SV2B: variants seen among roughly 807,000 people sequenced by gnomAD.
The protein encoded by SV2B is synaptic vesicle glycoprotein 2B.
Under a neutral mutation model 73.9 loss-of-function variants are expected in SV2B, and 41 were observed. That is an observed-to-expected ratio of 0.56 (90% CI 0.43 to 0.72). The LOEUF is 0.72. SV2B is among the 30% of genes least tolerant of loss of function. SV2B has a pLI of 0.00. For synonymous variants in SV2B, 314 were observed against 314.2 expected (o/e 1.00, Z 0.01); for missense variants, 764 against 857.8 (o/e 0.89, Z 1.37).
intron 1 of SV2B, among the ~76,000 whole-genome samples, chr15:91,107,766 T>C (rs548983625): frequency 1.3e-5 from 2 of 152,174 alleles, no homozygotes; most frequent in African/African-American, 4.8e-5. Flanking sequence ...TGCACCACCA[T>C]GCCCGGCTAA....
chr15:91,204,257 T>C (rs2045560094), intron 1 of SV2B, among the ~76,000 whole-genome samples: 2 of 152,172 alleles, frequency 1.3e-5, no homozygotes, highest in South Asian at 4.1e-4. Flanking sequence ...CTTGGGGTCT[T>C]AATTTACAGT....
Position 91,258,572 on chromosome 15 carries a change from C to T in SV2B, c.918+18C>T. 1 of 1,612,980 alleles carries T rather than the reference C, an allele frequency of 6.2e-7. No individual in the cohort carries two copies. The highest frequency in any genetic ancestry group is 8.5e-7 in the Non-Finnish European group (1 of 1,179,538). Reference sequence around the variant, plus strand: ...TGCTAGAGGTGAGTCAGTGCTTTTCCACCAGGGGGAGAGTGACAAAACAGC... The same window carrying T: ...TGCTAGAGGTGAGTCAGTGCTTTTCTACCAGGGGGAGAGTGACAAAACAGC... On this transcript the variant is annotated intron_variant, in intron 5 of 12. Coordinates refer to ENST00000394232, the MANE Select transcript of SV2B (RefSeq NM_001323032.3). The surrounding 1 kb of genome is among the most constrained non-coding windows in gnomAD (Gnocchi z 4.7).
chr15:91,270,815 G>GA (rs1567417531), intron 9 of SV2B, among the ~76,000 whole-genome samples: 5 of 112,256 alleles, frequency 4.5e-5, no homozygotes, highest in Non-Finnish European at 7.5e-5. Flanking sequence ...TGGATGATGG[G>GA]GGGATGGTGA....
At position 91,220,652 on chromosome 15, in the gene SV2B, G is replaced by C. The variant is rs2046182475; in HGVS notation, c.-391-5221G>C. Among the ~76,000 whole-genome samples, 1 of 152,190 alleles carries C rather than the reference G, an allele frequency of 6.6e-6. No homozygotes were observed. The highest frequency in any genetic ancestry group is 1.5e-5 in the Non-Finnish European group (1 of 68,036). On this transcript the variant is annotated intron_variant, in intron 1 of 12. Transcript: ENST00000394232. The surrounding 1 kb of genome is among the most constrained non-coding windows in gnomAD (Gnocchi z 4.1). ...TAGAATGTAAAAGTTAAAGGAGGATGCTTAAGAGGTTAGCAGCATGGGAGG... is the reference window on the plus strand; with the variant it reads ...TAGAATGTAAAAGTTAAAGGAGGATCCTTAAGAGGTTAGCAGCATGGGAGG...
intron 2 of SV2B, among the ~76,000 whole-genome samples, chr15:91,230,750 T>C (rs1247125592): frequency 6.6e-6 from 1 of 152,224 alleles, no homozygotes; most frequent in Non-Finnish European, 1.5e-5. Flanking sequence ...CTCTGGTTTA[T>C]AGCAATACAA....
At chr15:91,287,115 A>T (rs1490232588) in intron 11 of SV2B, among the ~76,000 whole-genome samples, 2 of 152,162 alleles carry the variant, frequency 1.3e-5, no homozygotes, top group African/African-American at 4.8e-5. Flanking sequence ...AGCTTTTGGA[A>T]AAAGGTTACC....
intron 1 of SV2B, among the ~76,000 whole-genome samples, chr15:91,202,445 T>C (rs2045492938): frequency 6.6e-6 from 1 of 152,260 alleles, no homozygotes; most frequent in African/African-American, 2.4e-5. Flanking sequence ...CATTGTGTCT[T>C]CTTATTTTCA....
intron 6 of SV2B, among the ~76,000 whole-genome samples, chr15:91,260,830 T>A (rs949319601): frequency 3.9e-5 from 6 of 152,204 alleles, no homozygotes; most frequent in African/African-American, 2.4e-5. Flanking sequence ...ATGAGGAATT[T>A]GCAAAAGCAG....
rs116918186 is a variant in SV2B at position 91,143,617 on chromosome 15, C to T, written c.-392+43254C>T. ...CTCGATCGCCGAAAGTGTCAAATCC[C>T]AGAAAACGCAGCATTCTTACGTGTG... On this transcript the variant is annotated intron_variant, in intron 1 of 12. Transcript: ENST00000394232. Among the ~76,000 whole-genome samples the T allele has an allele frequency of 5.7e-3, 865 of 151,442 alleles. 4 individuals are homozygous for T. Among genetic ancestry groups the T allele is most frequent in the Non-Finnish European group, 1.0e-2 (674 of 67,426 alleles).
chr15:91,287,955 G>C (rs1374623038), intron 11 of SV2B, among the ~76,000 whole-genome samples: 3 of 152,188 alleles, frequency 2.0e-5, no homozygotes, highest in African/African-American at 7.2e-5. Flanking sequence ...CTGGGGTCTT[G>C]GAGGGATGCA....
chr15:91,171,965 A>G (rs574583509), intron 1 of SV2B, among the ~76,000 whole-genome samples: 6 of 152,210 alleles, frequency 3.9e-5, no homozygotes, highest in Non-Finnish European at 8.8e-5. Flanking sequence ...TCTGTTGGAT[A>G]AAAACCTTTA....
chr15:91,149,123 C>T (rs939481905), intron 1 of SV2B, among the ~76,000 whole-genome samples: 3 of 152,224 alleles, frequency 2.0e-5, no homozygotes, highest in African/African-American at 7.2e-5. Flanking sequence ...TAGACTGGTC[C>T]TATCTCACTT....
At chr15:91,221,693 GCACACACA>G (rs3082137) in intron 1 of SV2B, among the ~76,000 whole-genome samples, 3 of 140,066 alleles carry the variant, frequency 2.1e-5, no homozygotes, top group African/African-American at 5.6e-5. Context: ...AAGCATGTGC[GCACACACA>G]CACACACACA....
At chr15:91,264,428 T>G (rs1258909650) in intron 6 of SV2B, among the ~76,000 whole-genome samples, 5 of 152,186 alleles carry the variant, frequency 3.3e-5, no homozygotes, top group Non-Finnish European at 2.9e-5. Context: ...AGGTCGAACA[T>G]GGAAGCAGAG....
chr15:91,260,507 A>G (rs998184569), intron 6 of SV2B, 98 bp downstream of exon 6: 2 of 825,510 alleles, frequency 2.4e-6, no homozygotes, highest in Non-Finnish European at 3.7e-6. Context: ...AAATTTGTCA[A>G]AAGGAGAACA....
chr15:91,111,929 T>C (rs2151729325), intron 1 of SV2B, among the ~76,000 whole-genome samples: 1 of 152,188 alleles, frequency 6.6e-6, no homozygotes, highest in Admixed American at 6.5e-5. Flanking sequence ...CACTCACTAT[T>C]GCCAGGACAG....
chr15:91,207,355 A>G (rs1277509757), intron 1 of SV2B, among the ~76,000 whole-genome samples: 1 of 152,006 alleles, frequency 6.6e-6, no homozygotes, highest in African/African-American at 2.4e-5. Flanking sequence ...TCGGATATCT[A>G]AAAAGGTGGG....
At chr15:91,193,506 A>G (rs1014223333) in intron 1 of SV2B, among the ~76,000 whole-genome samples, 7 of 152,204 alleles carry the variant, frequency 4.6e-5, no homozygotes, top group African/African-American at 1.7e-4. Flanking sequence ...AGCAGAGCAG[A>G]TGGTGACTTC....
chr15:91,145,462 G>A (rs1189882995), intron 1 of SV2B, among the ~76,000 whole-genome samples: 1 of 152,162 alleles, frequency 6.6e-6, no homozygotes, highest in Admixed American at 6.5e-5. Context: ...ATGTGCATAT[G>A]TTTTTATAAT....
Sources: allele counts gnomAD v4.1 joint callset (sites outside exome capture counted in the v4.1 genomes callset), GRCh38; gene constraint gnomAD v4.1.1; non-coding constraint Gnocchi (gnomAD v3.1); transcripts MANE v1.5; gene names NCBI Gene and HGNC (gene_info 2026-07-23, HGNC 2026-07-21).